IAPP: variants seen among roughly 807,000 people sequenced by gnomAD.
The protein encoded by IAPP is islet amyloid polypeptide.
A neutral mutation model predicts 2.9 loss-of-function variants in IAPP; 4 were observed. The observed-to-expected ratio is 1.39, with a 90% confidence interval of 0.69 to 3.19. IAPP has a LOEUF of 3.19. Among genes scored for constraint, IAPP ranks in the 30% most tolerant of loss-of-function variants. IAPP has a pLI of 0.01. For missense variants in IAPP, 114 were observed against 105.3 expected, an observed-to-expected ratio of 1.08 and a Z score of -0.36; for synonymous variants, 40 against 42.1, an observed-to-expected ratio of 0.95 and a Z score of 0.19.
chr12:21,374,599 GTTC>G lies in IAPP; in HGVS notation c.80+1173_80+1175del, dbSNP rs1364725545. On this transcript the variant is annotated intron_variant, in intron 2 of 2. Transcript: ENST00000240652. ...TCAAGGCTTATTTAGTTTACAGGGT[GTTC>G]TTCTCAGAACTGACTGTAATTTTCT... 5 of 151,924 alleles carry G rather than the reference GTTC, an allele frequency of 3.3e-5. No homozygotes were observed. The South Asian group carries it at 6.2e-4, about 19-fold the overall frequency. The allele number at this position is 151,924 out of a possible 1,614,324, so 9.4% of individuals were successfully genotyped here.
chr12:21,362,364 C>T (rs996580335), intron 1 of IAPP, among the ~76,000 whole-genome samples: 6 of 152,092 alleles, frequency 3.9e-5, no homozygotes, highest in Non-Finnish European at 8.8e-5. Flanking sequence ...GATTTTGTCA[C>T]CACCATGCCT....
At chr12:21,374,034 T>A (rs1193545960) in intron 2 of IAPP, among the ~76,000 whole-genome samples, 1 of 152,208 alleles carries the variant, frequency 6.6e-6, no homozygotes, top group African/African-American at 2.4e-5. Context: ...GAAACAGATT[T>A]ATAAAAAGTT....
intron 1 of IAPP, among the ~76,000 whole-genome samples, chr12:21,363,766 C>A (rs1939136956): frequency 6.6e-6 from 1 of 152,200 alleles, no homozygotes; most frequent in Non-Finnish European, 1.5e-5. Flanking sequence ...ATACTATAAA[C>A]ACCTCTGTGC....
chr12:21,359,240 T>C (rs1334190773), intron 1 of IAPP, among the ~76,000 whole-genome samples: 8 of 152,024 alleles, frequency 5.3e-5, no homozygotes, highest in Non-Finnish European at 8.8e-5. Flanking sequence ...CTAACAACAG[T>C]TTAATTTCTG....
At chr12:21,375,644 C>T (rs1165281045) in intron 2 of IAPP, among the ~76,000 whole-genome samples, 1 of 152,170 alleles carries the variant, frequency 6.6e-6, no homozygotes, top group Non-Finnish European at 1.5e-5. Context: ...GATGCAATCA[C>T]TAGGATCTCC....
At position 21,378,760 on chromosome 12, in the gene IAPP, T is replaced by C; in HGVS notation, c.*334T>C. On this transcript the variant is annotated 3_prime_UTR_variant, in exon 3 of 3. Coordinates refer to ENST00000240652, the MANE Select transcript of IAPP (RefSeq NM_000415.3). ...TTGGTAAATTGTAAACAGCTAATAA[T>C]GAAGTTATTCTTGACATGAGAAAAT... is the stretch of plus-strand genomic sequence containing the variant. 1 of 222,486 alleles carries C rather than the reference T, an allele frequency of 4.5e-6. No individual in the cohort carries two copies. Among genetic ancestry groups the C allele is most frequent in the Non-Finnish European group, 9.1e-6 (1 of 110,232 alleles). 13.8% of individuals were successfully genotyped at this position (222,486 alleles called of 1,614,324 possible).
chr12:21,373,201 T>C, intron 1 of IAPP, 136 bp from the exon 2 acceptor site: 1 of 671,156 alleles, frequency 1.5e-6, no homozygotes, highest in Non-Finnish European at 2.7e-6. Context: ...TAAGGGACTG[T>C]ATCAATAAAA....
intron 2 of IAPP, chr12:21,374,608 A>T (rs1298873314): frequency 6.6e-6 from 1 of 150,934 alleles, no homozygotes; most frequent in Non-Finnish European, 1.5e-5. Flanking sequence ...TGTTCTTCTC[A>T]GAACTGACTG....
At chr12:21,376,840 A>G (rs931477121) in intron 2 of IAPP, among the ~76,000 whole-genome samples, 4 of 152,110 alleles carry the variant, frequency 2.6e-5, no homozygotes, top group East Asian at 3.9e-4. Flanking sequence ...TTTTAGCCCT[A>G]TAACTATTTC....
chr12:21,372,992 G>A lies in IAPP; in HGVS notation c.-28G>A, dbSNP rs190919458. 3.8e-6 allele frequency: 1 copy of A among 263,618 alleles called. No homozygotes were observed. Among genetic ancestry groups the A allele is most frequent in the East Asian group, 1.1e-4 (1 of 9,332 alleles). 16.3% of individuals were successfully genotyped at this position (263,618 alleles called of 1,614,324 possible). On this transcript the variant is annotated 5_prime_UTR_variant, in exon 1 of 3. Transcript: ENST00000240652. ...AGCATTTGCTGATATTGCTGACATT[G>A]AAACATTAAAAGGTAAAGAATTTCC... is the stretch of plus-strand genomic sequence containing the variant.
intron 2 of IAPP, 47 bp from the exon 3 acceptor site, chr12:21,378,190 C>G (rs764823776): frequency 6.4e-7 from 1 of 1,554,950 alleles, no homozygotes; most frequent in Admixed American, 1.7e-5. Context: ...CTGGATCCAG[C>G]TAAAATTCTA....
upstream of IAPP, among the ~76,000 whole-genome samples, chr12:21,370,919 A>C (rs1939739332): frequency 6.6e-6 from 1 of 152,184 alleles, no homozygotes; most frequent in Admixed American, 6.5e-5. Context: ...TTGTTCATGA[A>C]AGAGTTCAGG....
intron 2 of IAPP, among the ~76,000 whole-genome samples, chr12:21,377,535 G>A (rs916074590): frequency 1.1e-4 from 16 of 152,154 alleles, no homozygotes; most frequent in African/African-American, 3.4e-4. Context: ...GACTGAAGCT[G>A]TACACCCAAT....
At position 21,363,670 on chromosome 12, in the gene IAPP, A is replaced by G. The variant is rs186288926; in HGVS notation, c.-16+8657A>G. Among the ~76,000 whole-genome samples the G allele has an allele frequency of 3.5e-3, 526 of 152,294 alleles. 4 individuals are homozygous for G. The highest frequency in any genetic ancestry group is 0.012 in the African/African-American group (498 of 41,558). On this transcript the variant is annotated intron_variant, in intron 1 of 2. Transcript: ENST00000539393. The stretch of plus-strand genomic sequence containing the variant: ...GCTAGCAAGACTAATAAAGAAGAAA[A>G]GAGAGAAGTGTCAAACAGAAGCAAT...
intron 1 of IAPP, among the ~76,000 whole-genome samples, chr12:21,355,178 A>G (rs1477890569): frequency 8.5e-5 from 13 of 152,174 alleles, no homozygotes; most frequent in Admixed American, 8.5e-4. Context: ...AGAAGACCAG[A>G]GCCACTAAAT....
At position 21,379,397 on chromosome 12, in the gene IAPP, C is replaced by T. The variant is rs947873706; in HGVS notation, c.*971C>T. 1 of 152,310 alleles carries T rather than the reference C, an allele frequency of 6.6e-6. No individual in the cohort carries two copies. The highest frequency in any genetic ancestry group is 6.5e-5 in the Admixed American group (1 of 15,294). 9.4% of individuals were successfully genotyped at this position (152,310 alleles called of 1,614,324 possible). A position where few individuals can be genotyped will look rare whatever the true frequency, so the allele number is the denominator to read the frequency against. ...TTTTGTTTAAGTGGCTTTCAGCAAA[C>T]CTCAGTCATATTCTTATGCAGGGTA... On this transcript the variant is annotated 3_prime_UTR_variant, in exon 3 of 3. Coordinates refer to ENST00000240652, the MANE Select transcript of IAPP (RefSeq NM_000415.3).
chr12:21,358,435 T>G (rs939185399), intron 1 of IAPP, among the ~76,000 whole-genome samples: 2 of 152,208 alleles, frequency 1.3e-5, no homozygotes, highest in Admixed American at 6.5e-5. Flanking sequence ...GGCAATCCAC[T>G]AACGAGATGG....
chr12:21,362,232 G>T (rs529658295), intron 1 of IAPP, among the ~76,000 whole-genome samples: 7 of 152,266 alleles, frequency 4.6e-5, no homozygotes, highest in Non-Finnish European at 8.8e-5. Flanking sequence ...AGTAGAGAGT[G>T]GGGGCCAATA....
intron 2 of IAPP, among the ~76,000 whole-genome samples, chr12:21,376,520 T>A (rs1940204081): frequency 6.6e-6 from 1 of 152,258 alleles, no homozygotes; most frequent in South Asian, 2.1e-4. Flanking sequence ...ATAGGTTAAA[T>A]AATTAGATCC....
Sources: allele counts gnomAD v4.1 joint callset (sites outside exome capture counted in the v4.1 genomes callset), GRCh38; gene constraint gnomAD v4.1.1; transcripts MANE v1.5; gene names NCBI Gene and HGNC (gene_info 2026-07-23, HGNC 2026-07-21).